The following SLC7A1 variants were observed in gnomAD, a reference collection of about 807,000 sequenced individuals.
SLC7A1 encodes the protein high affinity cationic amino acid transporter 1.
SLC7A1 carries 10 observed loss-of-function variants against 53.9 expected under a neutral mutation model. The observed-to-expected ratio is 0.19, with a 90% CI of 0.11 to 0.31. The LOEUF is 0.31. SLC7A1 is among the 10% of genes least tolerant of loss of function. The probability of loss-of-function intolerance (pLI) is 1.00; values close to 1 mark genes in which losing one functional copy is unlikely to be tolerated. For missense variants in SLC7A1, 525 were observed against 827.2 expected (o/e 0.63, Z 4.48); for synonymous variants, 342 against 338.7 (o/e 1.01, Z -0.11).
At chr13:29,554,442 T>C (rs1870341982) in intron 1 of SLC7A1, among the ~76,000 whole-genome samples, 1 of 152,162 alleles carries the variant, frequency 6.6e-6, no homozygotes, top group African/African-American at 2.4e-5. Context: ...CAGAAGGTTA[T>C]CCTAAATCTG....
chr13:29,595,457 C>G lies in SLC7A1; in HGVS notation c.-156G>C, dbSNP rs1274737765. The G allele has an allele frequency of 6.6e-6, 1 of 151,486 alleles. No homozygotes were observed. The highest frequency in any genetic ancestry group is 1.5e-5 in the Non-Finnish European group (1 of 67,854). 9.4% of individuals were successfully genotyped at this position (151,486 alleles called of 1,614,324 possible). A position where few individuals can be genotyped will look rare whatever the true frequency, so the allele number is the denominator to read the frequency against. On this transcript the variant is annotated 5_prime_UTR_variant, in exon 1 of 13. Transcript: ENST00000380752. ...GGGCTCCGGCAGGATCGCGAACAGACAGACTGTCGGACGCGCTCAAGGACC... is the reference window on the plus strand; with the variant it reads ...GGGCTCCGGCAGGATCGCGAACAGAGAGACTGTCGGACGCGCTCAAGGACC...
chr13:29,510,678 A>G lies in SLC7A1; in HGVS notation c.*3802T>C, dbSNP rs1234283293. The stretch of plus-strand genomic sequence containing the variant: ...GCACAGACACGAACATGCCTCTCAC[A>G]CACCCCAGAACGCAGCTGTGCTGGA... On this transcript the variant is annotated 3_prime_UTR_variant, in exon 13 of 13. Coordinates refer to ENST00000380752, the MANE Select transcript of SLC7A1 (RefSeq NM_003045.5). The G allele has an allele frequency of 6.6e-6, 1 of 152,144 alleles. No homozygotes were observed. Among genetic ancestry groups the G allele is most frequent in the African/African-American group, 2.4e-5 (1 of 41,424 alleles). The allele number at this position is 152,144 out of a possible 1,614,324, so 9.4% of individuals were successfully genotyped here.
intron 1 of SLC7A1, among the ~76,000 whole-genome samples, chr13:29,559,723 T>C (rs1403196027): frequency 6.6e-6 from 1 of 151,680 alleles, no homozygotes; most frequent in African/African-American, 2.4e-5. Flanking sequence ...TGTAACTCTT[T>C]TTTTTTTTTT....
chr13:29,569,584 C>T (rs904366292), intron 1 of SLC7A1, among the ~76,000 whole-genome samples: 7 of 152,168 alleles, frequency 4.6e-5, no homozygotes, highest in African/African-American at 1.7e-4. Flanking sequence ...CCTTCTAAAT[C>T]GAGCTCCTAA....
At chr13:29,533,776 A>G (rs570001264) in intron 3 of SLC7A1, among the ~76,000 whole-genome samples, 22 of 152,186 alleles carry the variant, frequency 1.4e-4, no homozygotes, top group Non-Finnish European at 2.5e-4. Context: ...CTCCTCTCAC[A>G]TAATTCTAAA....
At chr13:29,556,111 G>A (rs924901938) in intron 1 of SLC7A1, among the ~76,000 whole-genome samples, 1 of 152,094 alleles carries the variant, frequency 6.6e-6, no homozygotes, top group Admixed American at 6.6e-5. Context: ...ACATCCCTGT[G>A]AAGCCATATT....
chr13:29,524,258 A>G lies in SLC7A1; in HGVS notation c.705-5T>C, dbSNP rs1384008102. 1 of 1,613,978 alleles carries G rather than the reference A, an allele frequency of 6.2e-7. No individual in the cohort carries two copies. Among genetic ancestry groups the G allele is most frequent in the East Asian group, 2.2e-5 (1 of 44,892 alleles). ...GGCTTCCCTTCTTTTGTGTCACTAG[A>G]AAAAAGAGCCGCAAACAAATGTCAC... is the stretch of plus-strand genomic sequence containing the variant. On this transcript the variant is annotated splice_polypyrimidine_tract_variant and splice_region_variant and intron_variant, in intron 5 of 12. Transcript: ENST00000380752.
chr13:29,543,207 C>A (rs1164113716), intron 2 of SLC7A1, among the ~76,000 whole-genome samples: 2 of 152,170 alleles, frequency 1.3e-5, no homozygotes, highest in Non-Finnish European at 2.9e-5. Flanking sequence ...AGGTCTGTCT[C>A]AAAAGGCCAC....
At chr13:29,526,185 A>G (rs1367842545) in intron 5 of SLC7A1, among the ~76,000 whole-genome samples, 1 of 152,214 alleles carries the variant, frequency 6.6e-6, no homozygotes, top group Non-Finnish European at 1.5e-5. Flanking sequence ...AAGAGCTACC[A>G]ACATGGCCTT....
intron 5 of SLC7A1, 49 bp from the exon 6 acceptor site, chr13:29,524,302 T>G: frequency 1.2e-6 from 2 of 1,611,456 alleles, no homozygotes; most frequent in Non-Finnish European, 1.7e-6. Flanking sequence ...CTGCGCAGTC[T>G]GGCGTAAGGA....
chr13:29,575,035 C>T (rs1871354971), intron 1 of SLC7A1, among the ~76,000 whole-genome samples: 1 of 152,150 alleles, frequency 6.6e-6, no homozygotes, highest in Non-Finnish European at 1.5e-5. Context: ...GGGCCCAAAC[C>T]AAACAAATGA....
rs747723694 is a variant in SLC7A1 at position 29,532,969 on chromosome 13, T to C, written c.384A>G (p.Val128=). The change falls in exon 4 of 13, where the codon GTA becomes GTG. Residue 128 remains valine, a synonymous_variant. Coordinates refer to ENST00000380752, the MANE Select transcript of SLC7A1 (RefSeq NM_003045.5). ...ILSYIIGTSS[V]ARAWSATFDE... ...CGAAGGTGGCGCTCCAGGCCCTCGCTACGCTTGAAGTACCTGCCACAAAGC... is the reference window on the plus strand; with the variant it reads ...CGAAGGTGGCGCTCCAGGCCCTCGCCACGCTTGAAGTACCTGCCACAAAGC... The C allele has an allele frequency of 6.2e-7, 1 of 1,612,832 alleles. No homozygotes were observed. The highest frequency in any genetic ancestry group is 1.7e-5 in the Admixed American group (1 of 59,790).
chr13:29,520,714 C>T (rs1342620817), intron 8 of SLC7A1, among the ~76,000 whole-genome samples: 1 of 152,208 alleles, frequency 6.6e-6, no homozygotes, highest in African/African-American at 2.4e-5. Flanking sequence ...AAATATCTCT[C>T]AAGCCCCTCT....
intron 1 of SLC7A1, among the ~76,000 whole-genome samples, chr13:29,591,803 A>G (rs752736769): frequency 4.6e-5 from 7 of 152,170 alleles, no homozygotes; most frequent in Non-Finnish European, 7.4e-5. Flanking sequence ...ATAAACCCCC[A>G]GGTTTCCTCG....
In SLC7A1 at chr13:29,517,738, C is replaced by T. The variant is rs752202196; in HGVS notation, c.1345G>A (p.Glu449Lys). 4.3e-6 allele frequency: 7 copies of T among 1,614,076 alleles called. No homozygotes were observed. The highest frequency in any genetic ancestry group is 2.7e-5 in the African/African-American group (2 of 74,924). Reference protein sequence around the residue: ...LVYQMASTSDELDPADQNELA... With the variant: ...LVYQMASTSDKLDPADQNELA... ...TCATTTTGGTCTGCTGGATCTAACTCGTCGGAAGTACTGGCCATCTGGTAT... is the reference window on the plus strand; with the variant it reads ...TCATTTTGGTCTGCTGGATCTAACTTGTCGGAAGTACTGGCCATCTGGTAT... The change falls in exon 10 of 13, where the codon GAG becomes AAG. Residue 449 changes from glutamate (E) to lysine (K), a missense_variant. By Grantham distance (56) the Glu-to-Lys change is moderately conservative (BLOSUM62 1). Coordinates refer to ENST00000380752, the MANE Select transcript of SLC7A1 (RefSeq NM_003045.5).
chr13:29,592,923 G>A (rs1046288112), intron 1 of SLC7A1, among the ~76,000 whole-genome samples: 7 of 152,084 alleles, frequency 4.6e-5, no homozygotes, highest in African/African-American at 1.2e-4. Flanking sequence ...ACCACCAGGC[G>A]GCCCACTAGA....
chr13:29,565,850 C>G (rs1055990096), intron 1 of SLC7A1, among the ~76,000 whole-genome samples: 15 of 152,226 alleles, frequency 9.9e-5, no homozygotes, highest in African/African-American at 3.4e-4. Flanking sequence ...CATCCTGCTC[C>G]TCTTATCCAA....
At chr13:29,579,202 G>A (rs934736665) in intron 1 of SLC7A1, among the ~76,000 whole-genome samples, 3 of 152,074 alleles carry the variant, frequency 2.0e-5, no homozygotes, top group Non-Finnish European at 4.4e-5. Context: ...CTTCTCTCAG[G>A]CTTCCTCCCT....
intron 12 of SLC7A1, among the ~76,000 whole-genome samples, chr13:29,515,930 G>A (rs534382875): frequency 6.6e-6 from 1 of 152,380 alleles, no homozygotes; most frequent in Admixed American, 6.5e-5. Flanking sequence ...TCAAGGTCTT[G>A]CCCAAAAGAA....
Sources: gnomAD v4.1 joint callset for allele counts (sites outside exome capture counted in the v4.1 genomes callset) on GRCh38, gnomAD v4.1.1 for gene constraint, MANE v1.5 for transcripts, NCBI Gene and HGNC (gene_info 2026-07-23, HGNC 2026-07-21) for gene names.